WDFY3: variants seen among roughly 807,000 people sequenced by gnomAD.
The protein encoded by WDFY3 is WD repeat and FYVE domain containing 3, also known as WD repeat and FYVE domain-containing protein 3.
A neutral mutation model predicts 409.6 loss-of-function variants in WDFY3; 66 were observed. The observed-to-expected ratio is 0.16, with a 90% confidence interval of 0.13 to 0.20. The LOEUF is 0.20. Among genes scored for constraint, WDFY3 ranks in the 10% least tolerant of loss-of-function variants. The pLI is 1.00. For missense variants in WDFY3, 3,031 were observed against 4,298.1 expected, an observed-to-expected ratio of 0.71 and a Z score of 8.24; for synonymous variants, 1,521 against 1,537.1, an observed-to-expected ratio of 0.99 and a Z score of 0.25.
chr4:84,882,590 G>A (rs1344715885), intron 3 of WDFY3, among the ~76,000 whole-genome samples: 2 of 151,950 alleles, frequency 1.3e-5, no homozygotes, highest in Admixed American at 1.3e-4. Context: ...AAAAGATTAG[G>A]AAACTTATGA....
chr4:84,779,235 T>C (rs887307225), intron 26 of WDFY3, among the ~76,000 whole-genome samples: 9 of 152,218 alleles, frequency 5.9e-5, no homozygotes, highest in Non-Finnish European at 8.8e-5. Flanking sequence ...AAAACACTTA[T>C]TGAAATACTA....
intron 4 of WDFY3, among the ~76,000 whole-genome samples, chr4:84,855,096 A>G (rs1759573110): frequency 6.6e-6 from 1 of 152,246 alleles, no homozygotes; most frequent in Non-Finnish European, 1.5e-5. Context: ...AACAATTACC[A>G]TATAATACCC....
At chr4:84,794,446 T>C in intron 21 of WDFY3, 73 bp downstream of exon 21, 1 of 1,405,214 alleles carries the variant, frequency 7.1e-7, no homozygotes, top group South Asian at 1.3e-5. Flanking sequence ...TTAGCTGGAC[T>C]TTTAAAATAA....
chr4:84,789,976 G>A, intron 21 of WDFY3, 69 bp from the exon 22 acceptor site: 2 of 1,489,240 alleles, frequency 1.3e-6, no homozygotes, highest in Non-Finnish European at 1.8e-6. Flanking sequence ...TTCATATCTA[G>A]ATCAGCATGT....
At chr4:84,734,997 T>TA in intron 43 of WDFY3, 46 bp downstream of exon 43, 1 of 1,534,804 alleles carries the variant, frequency 6.5e-7, no homozygotes, top group Non-Finnish European at 9.0e-7. Flanking sequence ...ACCTTTCACA[T>TA]ACAAAAAATG....
intron 3 of WDFY3, among the ~76,000 whole-genome samples, chr4:84,896,368 C>T (rs1765639016): frequency 6.6e-6 from 1 of 151,924 alleles, no homozygotes; most frequent in African/African-American, 2.4e-5. Flanking sequence ...ATAACACATC[C>T]AACACAAGAA....
intron 1 of WDFY3, among the ~76,000 whole-genome samples, chr4:84,942,183 G>GA (rs1772229267): frequency 6.6e-6 from 1 of 151,668 alleles, no homozygotes. Context: ...AACTATAAAA[G>GA]AAAAAAATGG....
At chr4:84,745,514 G>GT (rs1315300583) in intron 36 of WDFY3, among the ~76,000 whole-genome samples, 9 of 152,118 alleles carry the variant, frequency 5.9e-5, no homozygotes, top group Non-Finnish European at 1.2e-4. Context: ...TAGAATAAAA[G>GT]TTCTACATTG....
intron 62 of WDFY3, among the ~76,000 whole-genome samples, chr4:84,685,381 T>C (rs1381313159): frequency 6.6e-6 from 1 of 152,194 alleles, no homozygotes; most frequent in Non-Finnish European, 1.5e-5. Context: ...CCCTAGCTCT[T>C]CTTCTACCAA....
At chr4:84,906,772 T>TTTG (rs1767096212) in intron 2 of WDFY3, among the ~76,000 whole-genome samples, 1 of 101,944 alleles carries the variant, frequency 9.8e-6, no homozygotes, top group South Asian at 2.7e-4. Flanking sequence ...TATTTTGTGA[T>TTTG]TTTTTTTTTT....
Position 84,740,407 on chromosome 4 carries a change from T to C in WDFY3, c.6244A>G (p.Arg2082Gly). ...IIQLIAQSKR[R>G]SQGLSLDAVY... ...GCATCCAGTGACAATCCCTGTGATC[T>C]TCTCTTTGACTAAAGACATGAAAGG... The change falls in exon 39 of 68, where the codon AGA becomes GGA. Residue 2082 changes from arginine (R) to glycine (G), a missense_variant. Physicochemically the swap from Arg to Gly is moderately radical, Grantham distance 125. Coordinates refer to ENST00000295888, the MANE Select transcript of WDFY3 (RefSeq NM_014991.6). 1 of 1,614,162 alleles carries C rather than the reference T, an allele frequency of 6.2e-7. No homozygotes were observed. The highest frequency in any genetic ancestry group is 8.5e-7 in the Non-Finnish European group (1 of 1,179,990).
chr4:84,963,630 T>G (rs1437478271), intron 1 of WDFY3, among the ~76,000 whole-genome samples: 2 of 152,198 alleles, frequency 1.3e-5, no homozygotes, highest in Non-Finnish European at 2.9e-5. Flanking sequence ...TCTAAAATCT[T>G]ATGATATTGT....
intron 5 of WDFY3, among the ~76,000 whole-genome samples, chr4:84,848,785 T>C (rs886576080): frequency 6.6e-6 from 1 of 152,042 alleles, no homozygotes; most frequent in Non-Finnish European, 1.5e-5. Flanking sequence ...ATTCAGCACA[T>C]CTCCCCAGCA....
chr4:84,831,600 T>C lies in WDFY3; in HGVS notation c.582A>G (p.Leu194=). 6.2e-7 allele frequency: 1 copy of C among 1,605,998 alleles called. No individual in the cohort carries two copies. ...GGGAAACAAAACTGCACAGTTTCAC[T>C]AAGATCTAAAAAATAAAACAAAACA... is the stretch of plus-strand genomic sequence containing the variant. The part of the protein sequence containing the change: ...GLLQKVFVQI[L]VKLCSFVSPA... Residue 194 remains leucine (L), a synonymous_variant, in exon 8 of 68, where the codon TTA becomes TTG. Coordinates refer to ENST00000295888, the MANE Select transcript of WDFY3 (RefSeq NM_014991.6).
chr4:84,713,085 A>G, intron 51 of WDFY3, 74 bp downstream of exon 51: 1 of 1,503,252 alleles, frequency 6.7e-7, no homozygotes, highest in Non-Finnish European at 9.2e-7. Context: ...CTAAAATGTT[A>G]AATAATACTG....
Position 84,741,049 on chromosome 4 carries a change from A to C in WDFY3, c.6235-633T>G, listed in dbSNP as rs142462081. ...GTACTGTGAACATGCACAAAAAATA[A>C]CAACTTCAAGAGAATATAAACTACA... On this transcript the variant is annotated intron_variant, in intron 38 of 67. Coordinates refer to ENST00000295888, the MANE Select transcript of WDFY3 (RefSeq NM_014991.6). Among the ~76,000 whole-genome samples the C allele has an allele frequency of 5.3e-3, 802 of 152,360 alleles. 8 individuals are homozygous for C. The highest frequency in any genetic ancestry group is 8.0e-3 in the Non-Finnish European group (547 of 68,032).
intron 13 of WDFY3, among the ~76,000 whole-genome samples, chr4:84,810,619 A>G (rs1752336643): frequency 6.6e-6 from 1 of 152,234 alleles, no homozygotes; most frequent in South Asian, 2.1e-4. Flanking sequence ...CAGAGTCTTT[A>G]ACTGATTATG....
intron 2 of WDFY3, among the ~76,000 whole-genome samples, chr4:84,907,997 TAAGGTGC>T (rs1767274663): frequency 6.6e-6 from 1 of 151,364 alleles, no homozygotes; most frequent in Non-Finnish European, 1.5e-5. Context: ...TATCTACATG[TAAGGTGC>T]AAGGAAAGTG....
chr4:84,801,950 A>AT (rs202037676), intron 16 of WDFY3, 86 bp from the exon 17 acceptor site: 124,683 of 1,006,896 alleles, frequency 0.12, 8 homozygotes, highest in East Asian at 0.14. Context: ...TACCTTTTTA[A>AT]TTTTTTTTTT....
Sources: gnomAD v4.1 joint callset for allele counts (sites outside exome capture counted in the v4.1 genomes callset) on GRCh38, gnomAD v4.1.1 for gene constraint, MANE v1.5 for transcripts, NCBI Gene and HGNC (gene_info 2026-07-23, HGNC 2026-07-21) for gene names.